HDAC3: variants seen among roughly 807,000 people sequenced by gnomAD.
The protein encoded by HDAC3 is SMAP45.
Under a neutral mutation model 62.3 loss-of-function variants are expected in HDAC3, and 21 were observed. The ratio of observed to expected loss-of-function variants is 0.34; its 90% CI spans 0.24 to 0.49. HDAC3 has a LOEUF of 0.49. HDAC3 is among the 20% of genes least tolerant of loss of function. The pLI is 0.99. For missense variants in HDAC3, 270 were observed against 556.9 expected, an observed-to-expected ratio of 0.48 and a Z score of 5.19; for synonymous variants, 198 against 206.5, an observed-to-expected ratio of 0.96 and a Z score of 0.35.
chr5:141,621,856 T>C (rs2099903750), intron 14 of HDAC3, among the ~76,000 whole-genome samples: 1 of 152,072 alleles, frequency 6.6e-6, no homozygotes, highest in Admixed American at 6.5e-5. Flanking sequence ...GAGAGTACAA[T>C]TAATAAAATG....
chr5:141,629,265 T>C lies in HDAC3; in HGVS notation c.518A>G (p.His173Arg), dbSNP rs1429548637. The change falls in exon 7 of 15, where the codon CAT (histidine) becomes CGT (arginine). Residue 173 changes from histidine (H) to arginine (R), a missense_variant. His to Arg is a conservative substitution (Grantham distance 29). Around this residue, in one of 5 missense-constraint regions of HDAC3, gnomAD observed 156 missense variants for 383.9 expected, o/e 0.41. Coordinates refer to ENST00000305264, the MANE Select transcript of HDAC3 (RefSeq NM_003883.4). The surrounding 1 kb of genome is among the most constrained non-coding windows in gnomAD (Gnocchi z 5.3). ...GAAAGCTTCTTGAACCCCGTCACCA[T>C]GGTGGATGTCAATGTCAATGTAGAG... Reference protein sequence around the residue: ...RVLYIDIDIHHGDGVQEAFYL... With the variant: ...RVLYIDIDIHRGDGVQEAFYL... 1 of 1,614,194 alleles carries C rather than the reference T, an allele frequency of 6.2e-7. No homozygotes were observed. The highest frequency in any genetic ancestry group is 1.1e-5 in the South Asian group (1 of 91,068).
chr5:141,635,092 T>C (rs1042339556), intron 2 of HDAC3, 139 bp from the exon 3 acceptor site: 3 of 787,716 alleles, frequency 3.8e-6, no homozygotes, highest in Non-Finnish European at 2.0e-6. Flanking sequence ...CTTAAGTCAG[T>C]AGAGAGACTC....
intron 3 of HDAC3, among the ~76,000 whole-genome samples, chr5:141,630,840 C>T (rs961388264): frequency 1.3e-5 from 2 of 150,912 alleles, no homozygotes; most frequent in Non-Finnish European, 2.9e-5. Context: ...ATTTCCTGTA[C>T]CTTGATACCT....
Position 141,628,517 on chromosome 5 carries a change from A to C in HDAC3, c.691+42T>G, listed in dbSNP as rs2099904770. 1 of 1,511,266 alleles carries C rather than the reference A, an allele frequency of 6.6e-7. No individual in the cohort carries two copies. Among genetic ancestry groups the C allele is most frequent in the Admixed American group, 1.7e-5 (1 of 59,522 alleles). The allele number at this position is 1,511,266 out of a possible 1,614,324, so 93.6% of individuals were successfully genotyped here. On this transcript the variant is annotated intron_variant, in intron 8 of 14. Transcript: ENST00000305264. This position sits in a 1 kb window ranked among gnomAD's most constrained non-coding sequence, Gnocchi z 4.7. The stretch of plus-strand genomic sequence containing the variant: ...CAGAAGAGGTTATTTCAAGGAGAAA[A>C]AGAAGGGGCCTAGGGAACAGAGGGA...
In HDAC3 at chr5:141,629,484, G is replaced by C. The variant is rs1596441486; in HGVS notation, c.477-178C>G. 5.3e-6 allele frequency: 5 copies of C among 941,848 alleles called. No individual in the cohort carries two copies. The highest frequency in any genetic ancestry group is 1.6e-5 in the South Asian group (1 of 63,760). The allele number at this position is 941,848 out of a possible 1,614,324, so 58.3% of individuals were successfully genotyped here. On this transcript the variant is annotated intron_variant, in intron 6 of 14. Transcript: ENST00000305264. This position sits in a 1 kb window ranked among gnomAD's most constrained non-coding sequence, Gnocchi z 5.3. ...AGCCTAGAGGCTAGAGGCAGGGACA[G>C]GAGAGGGATATGCAGAGAAGGCTGA...
rs568656858 is a variant in HDAC3, at chr5:141,630,182, A to G, written c.282-57T>C. ...CTGCCTCTGTCTGGGCCCTTCCCAT[A>G]TCTCCCTCCCCATCCTAGATTCCTC... On this transcript the variant is annotated intron_variant, in intron 3 of 14. Coordinates refer to ENST00000305264, the MANE Select transcript of HDAC3 (RefSeq NM_003883.4). 44 of 1,481,468 alleles carry G rather than the reference A, an allele frequency of 3.0e-5. 1 individual carries two copies. The South Asian group carries it at 4.0e-4, about 13-fold the overall frequency. The allele number at this position is 1,481,468 out of a possible 1,614,324, so 91.8% of individuals were successfully genotyped here.
chr5:141,636,475 A>G, intron 2 of HDAC3, 73 bp downstream of exon 2: 1 of 1,377,934 alleles, frequency 7.3e-7, no homozygotes, highest in African/African-American at 1.4e-5. Context: ...TCATGCACTC[A>G]GTCCAGCCCA....
rs1274946148 is a variant in HDAC3 at position 141,620,918 on chromosome 5, G to C, written c.*550C>G. ...CGACTTAGTTTATTGGATAAAAACA[G>C]TGGTAAAATGGACATAAAGCCAAAA... On this transcript the variant is annotated 3_prime_UTR_variant, in exon 15 of 15. Coordinates refer to ENST00000305264, the MANE Select transcript of HDAC3 (RefSeq NM_003883.4). The C allele has an allele frequency of 6.5e-6, 1 of 154,192 alleles. No individual in the cohort carries two copies. Among genetic ancestry groups the C allele is most frequent in the Admixed American group, 6.5e-5 (1 of 15,316 alleles). 9.6% of individuals were successfully genotyped at this position (154,192 alleles called of 1,614,324 possible). A position where few individuals can be genotyped will look rare whatever the true frequency, so the allele number is the denominator to read the frequency against.
At chr5:141,627,286 C>G (rs1394189876) in intron 10 of HDAC3, among the ~76,000 whole-genome samples, 1 of 152,194 alleles carries the variant, frequency 6.6e-6, no homozygotes, top group African/African-American at 2.4e-5. Flanking sequence ...CTATGTTGCC[C>G]AGGCTGGCCT....
rs541742729 is a variant in HDAC3 at position 141,635,184 on chromosome 5, C to T, written c.139-231G>A. 7.3e-5 allele frequency: 33 copies of T among 452,984 alleles called. No homozygotes were observed. The East Asian group carries it at 1.3e-3, about 17-fold the overall frequency. 28.1% of individuals were successfully genotyped at this position (452,984 alleles called of 1,614,324 possible). A position where few individuals can be genotyped will look rare whatever the true frequency, so the allele number is the denominator to read the frequency against. Reference sequence around the variant, plus strand: ...TCCACCTCCAGCTCAGCCTATCGTACCTTCTCAACTTTGAGCCCTGATCCA... The same window carrying T: ...TCCACCTCCAGCTCAGCCTATCGTATCTTCTCAACTTTGAGCCCTGATCCA... On this transcript the variant is annotated intron_variant, in intron 2 of 14. Transcript: ENST00000305264.
intron 3 of HDAC3, among the ~76,000 whole-genome samples, chr5:141,634,490 C>T (rs1407844348): frequency 2.5e-4 from 38 of 152,034 alleles, no homozygotes; most frequent in Admixed American, 2.5e-3. Context: ...CTAGGAAGGC[C>T]CCACCGACCA....
Position 141,636,531 on chromosome 5 carries a change from G to T in HDAC3, c.138+17C>A, listed in dbSNP as rs374158487. 5.0e-6 allele frequency: 8 copies of T among 1,604,570 alleles called. No individual in the cohort carries two copies. The African/African-American group carries it at 8.1e-5, about 16-fold the overall frequency. ...TCGCCCCACCCCCCAACCCCCGGCC[G>T]AGGCGGCGGAACTCACGATCATCTT... On this transcript the variant is annotated intron_variant, in intron 2 of 14. Coordinates refer to ENST00000305264, the MANE Select transcript of HDAC3 (RefSeq NM_003883.4).
Position 141,626,370 on chromosome 5 carries a change from G to A in HDAC3, c.831-87C>T, listed in dbSNP as rs2154597811. 3.3e-6 allele frequency: 3 copies of A among 905,996 alleles called. No individual in the cohort carries two copies. The East Asian group carries it at 7.7e-5, about 23-fold the overall frequency. 56.1% of individuals were successfully genotyped at this position (905,996 alleles called of 1,614,324 possible). On this transcript the variant is annotated intron_variant, in intron 10 of 14. Coordinates refer to ENST00000305264, the MANE Select transcript of HDAC3 (RefSeq NM_003883.4). The surrounding 1 kb of genome is among the most constrained non-coding windows in gnomAD (Gnocchi z 4.6). ...TAGGTATTGCCTGAAAGGAGCACAA[G>A]AAAACTATAAATGTTCTAAATCTTT... is the stretch of plus-strand genomic sequence containing the variant.
Position 141,625,090 on chromosome 5 carries a change from A to C in HDAC3, c.1217+118T>G. 1.1e-6 allele frequency: 1 copy of C among 893,850 alleles called. No individual in the cohort carries two copies. The highest frequency in any genetic ancestry group is 1.9e-5 in the South Asian group (1 of 53,898). The allele number at this position is 893,850 out of a possible 1,614,324, so 55.4% of individuals were successfully genotyped here. A position where few individuals can be genotyped will look rare whatever the true frequency, so the allele number is the denominator to read the frequency against. ...ACAAAGAAAAGAGTGAGGAAATTGT[A>C]GCAGACTAAAGGAGGTAAGCCAGAG... is the stretch of plus-strand genomic sequence containing the variant. On this transcript the variant is annotated intron_variant, in intron 14 of 14. Transcript: ENST00000305264. The surrounding 1 kb of genome is among the most constrained non-coding windows in gnomAD (Gnocchi z 4.0).
Position 141,629,923 on chromosome 5 carries a change from G to C in HDAC3, c.364-7C>G. On this transcript the variant is annotated splice_polypyrimidine_tract_variant and splice_region_variant and intron_variant, in intron 4 of 14. Transcript: ENST00000305264. The surrounding 1 kb of genome is among the most constrained non-coding windows in gnomAD (Gnocchi z 5.3). ...TAATGGCAATATCACAGATCTGAAAGACAAACACCTAAGTCACAGTCCTTC... is the reference window on the plus strand; with the variant it reads ...TAATGGCAATATCACAGATCTGAAACACAAACACCTAAGTCACAGTCCTTC... The C allele has an allele frequency of 2.4e-5, 39 of 1,614,134 alleles. No homozygotes were observed. The highest frequency in any genetic ancestry group is 3.3e-5 in the Non-Finnish European group (39 of 1,180,018).
Position 141,630,061 on chromosome 5 carries a change from T to C in HDAC3, c.346A>G (p.Thr116Ala). The C allele has an allele frequency of 6.2e-7, 1 of 1,614,188 alleles. No individual in the cohort carries two copies. Among genetic ancestry groups the C allele is most frequent in the Non-Finnish European group, 8.5e-7 (1 of 1,180,038 alleles). ...RYTGASLQGATQLNNKICDIA... is the reference protein window; with the variant it reads ...RYTGASLQGAAQLNNKICDIA... ...TATGTCACCTTGTTGTTCAGCTGGG[T>C]TGCTCCTTGCAGAGATGCGCCTGTG... is the stretch of plus-strand genomic sequence containing the variant. Residue 116 changes from threonine (T) to alanine (A), a missense_variant, in exon 4 of 15, where the codon ACC (threonine) becomes GCC (alanine). By Grantham distance (58) the Thr-to-Ala change is moderately conservative (BLOSUM62 0). Transcript: ENST00000305264.
Position 141,628,198 on chromosome 5 carries a change from G to A in HDAC3, c.692-11C>T. The A allele has an allele frequency of 6.2e-7, 1 of 1,613,342 alleles. No individual in the cohort carries two copies. The highest frequency in any genetic ancestry group is 1.3e-5 in the African/African-American group (1 of 74,992). On this transcript the variant is annotated splice_polypyrimidine_tract_variant and intron_variant, in intron 8 of 14. Transcript: ENST00000305264. The surrounding 1 kb of genome is among the most constrained non-coding windows in gnomAD (Gnocchi z 4.7). ...AAAGGTGCTTGTAACCTGGGAGAGG[G>A]CCAAAGATGGGCACCTGGCACCCCA...
intron 1 of HDAC3, 41 bp from the exon 2 acceptor site, chr5:141,636,671 G>A: frequency 1.2e-6 from 2 of 1,612,556 alleles, no homozygotes; most frequent in Non-Finnish European, 1.7e-6. Flanking sequence ...TCTCACCCCT[G>A]GAGTTGCAAC....
Position 141,626,782 on chromosome 5 carries a change from G to GTA in HDAC3, c.831-500_831-499insTA, listed in dbSNP as rs1167147646. ...AAAACATATATATGTGTGTGTGTGT[G>GTA]TGTATATATATATATATACACACAC... is the stretch of plus-strand genomic sequence containing the variant. On this transcript the variant is annotated intron_variant, in intron 10 of 14. Transcript: ENST00000305264. This position sits in a 1 kb window ranked among gnomAD's most constrained non-coding sequence, Gnocchi z 4.6. Among the ~76,000 whole-genome samples the GTA allele has an allele frequency of 6.3e-5, 8 of 126,468 alleles. No homozygotes were observed. Among genetic ancestry groups the GTA allele is most frequent in the African/African-American group, 2.1e-4 (7 of 33,302 alleles). The allele number at this position is 126,468 out of a possible 152,430, so 83.0% of individuals were successfully genotyped here. A position where few individuals can be genotyped will look rare whatever the true frequency, so the allele number is the denominator to read the frequency against.
Sources: allele counts gnomAD v4.1 joint callset (sites outside exome capture counted in the v4.1 genomes callset), GRCh38; gene constraint gnomAD v4.1.1; regional missense constraint gnomAD v4.1.1; non-coding constraint Gnocchi (gnomAD v3.1); transcripts MANE v1.5; gene names NCBI Gene and HGNC (gene_info 2026-07-23, HGNC 2026-07-21).